WWTR1: variants seen among roughly 807,000 people sequenced by gnomAD.
The protein encoded by WWTR1 is WW domain containing transcription regulator 1.
Under a neutral mutation model 40.1 loss-of-function variants are expected in WWTR1, and 13 were observed. That is an observed-to-expected ratio of 0.32 (90% CI 0.21 to 0.52). The LOEUF (loss-of-function observed/expected upper bound fraction) is 0.52. WWTR1 is among the 20% of genes least tolerant of loss of function. WWTR1 has a pLI of 0.97. For synonymous variants in WWTR1, 230 were observed against 210.1 expected (o/e 1.09, Z -0.82); for missense variants, 436 against 523.1 (o/e 0.83, Z 1.63).
chr3:149,568,128 G>A (rs1363642442), intron 3 of WWTR1, among the ~76,000 whole-genome samples: 5 of 152,140 alleles, frequency 3.3e-5, no homozygotes, highest in Non-Finnish European at 5.9e-5. Context: ...GCTCACGCCT[G>A]TAATCCCAGC....
upstream of WWTR1, among the ~76,000 whole-genome samples, chr3:149,662,675 T>C (rs1455633301): frequency 6.6e-6 from 1 of 152,216 alleles, no homozygotes; most frequent in South Asian, 2.1e-4. Flanking sequence ...TTTTATGATG[T>C]CATTACCCAG....
At chr3:149,559,293 C>CAAAA (rs57470539) in intron 3 of WWTR1, among the ~76,000 whole-genome samples, 235 of 57,928 alleles carry the variant, frequency 4.1e-3, no homozygotes, top group Non-Finnish European at 5.3e-3. Flanking sequence ...GACTCCATCT[C>CAAAA]AAAAAAAAAA....
rs866086368 is a variant in WWTR1, at chr3:149,531,799, G to A, written c.772-3830C>T. Among the ~76,000 whole-genome samples, 5 of 152,090 alleles carry A rather than the reference G, an allele frequency of 3.3e-5. No individual in the cohort carries two copies. In the East Asian group the frequency reaches 5.8e-4, roughly 18 times the overall value. On this transcript the variant is annotated intron_variant, in intron 4 of 6. Coordinates refer to ENST00000360632, the MANE Select transcript of WWTR1 (RefSeq NM_015472.6). ...TTTCCTACTAGAATGTAAGCTCCAC[G>A]AGGGAAGGGGCCTTGTTTGTCATGT...
At chr3:149,527,180 G>A (rs1735360513) in intron 5 of WWTR1, among the ~76,000 whole-genome samples, 1 of 145,732 alleles carries the variant, frequency 6.9e-6, no homozygotes, top group Non-Finnish European at 1.5e-5. Flanking sequence ...TTGAGATGGA[G>A]TTTCACTCTT....
chr3:149,634,473 T>C (rs974306777), intron 2 of WWTR1, among the ~76,000 whole-genome samples: 1 of 152,192 alleles, frequency 6.6e-6, no homozygotes, highest in Admixed American at 6.5e-5. Flanking sequence ...AAGTTTCCTT[T>C]TTCACTCATT....
chr3:149,604,069 G>C (rs534178806), intron 2 of WWTR1, among the ~76,000 whole-genome samples: 6 of 152,248 alleles, frequency 3.9e-5, no homozygotes, highest in African/African-American at 1.4e-4. Context: ...ACTATAAGTA[G>C]TAGTACATGA....
rs965802437 is a variant in WWTR1 at position 149,522,562 on chromosome 3, A to G, written c.1019-1573T>C. On this transcript the variant is annotated intron_variant, in intron 6 of 6. Coordinates refer to ENST00000360632, the MANE Select transcript of WWTR1 (RefSeq NM_015472.6). ...AATCCAAAATAACTTTCTTCTACTT[A>G]CTAGAGTGTAACAGATAAAAATGAG... Among the ~76,000 whole-genome samples, 10 of 152,340 alleles carry G rather than the reference A, an allele frequency of 6.6e-5. 1 individual carries two copies. The highest frequency in any genetic ancestry group is 5.2e-4 in the Admixed American group (8 of 15,294).
chr3:149,632,061 C>T (rs554380510), intron 2 of WWTR1, among the ~76,000 whole-genome samples: 54 of 152,210 alleles, frequency 3.5e-4, no homozygotes, highest in African/African-American at 1.2e-3. Flanking sequence ...CAGGCGCCCA[C>T]CACTATCCAC....
chr3:149,559,174 G>T (rs1682586040), intron 3 of WWTR1, among the ~76,000 whole-genome samples: 1 of 151,486 alleles, frequency 6.6e-6, no homozygotes, highest in South Asian at 2.1e-4. Context: ...CACACCTGTA[G>T]TCCCAGCTAC....
At chr3:149,624,799 A>G (rs1027964917) in intron 2 of WWTR1, among the ~76,000 whole-genome samples, 17 of 152,064 alleles carry the variant, frequency 1.1e-4, no homozygotes, top group Non-Finnish European at 2.4e-4. Context: ...TCCCAGGTTC[A>G]AGCAATTCTC....
At chr3:149,550,970 A>G (rs1736594308) in intron 3 of WWTR1, among the ~76,000 whole-genome samples, 1 of 143,660 alleles carries the variant, frequency 7.0e-6, no homozygotes, top group African/African-American at 2.7e-5. Context: ...CACATCAACT[A>G]TTCCAAATAA....
intron 3 of WWTR1, among the ~76,000 whole-genome samples, chr3:149,564,080 C>G (rs1443253223): frequency 6.6e-6 from 1 of 152,094 alleles, no homozygotes; most frequent in Non-Finnish European, 1.5e-5. Context: ...GATTGTGGCT[C>G]CCACACCTGG....
chr3:149,545,810 C>T (rs1235730312), intron 3 of WWTR1, among the ~76,000 whole-genome samples: 3 of 152,146 alleles, frequency 2.0e-5, no homozygotes, highest in African/African-American at 7.2e-5. Flanking sequence ...CATGAGCCAC[C>T]GCGCCCAGCC....
intron 2 of WWTR1, among the ~76,000 whole-genome samples, chr3:149,628,198 G>A (rs1279847869): frequency 2.0e-5 from 3 of 151,612 alleles, no homozygotes; most frequent in South Asian, 2.1e-4. Flanking sequence ...GTGAAACCCC[G>A]TCCCTATTAA....
chr3:149,541,814 T>C (rs2107936308), intron 4 of WWTR1, among the ~76,000 whole-genome samples: 1 of 152,226 alleles, frequency 6.6e-6, no homozygotes, highest in East Asian at 1.9e-4. Flanking sequence ...CTTAGCCCAG[T>C]CTTCCAGCAA....
intron 2 of WWTR1, among the ~76,000 whole-genome samples, chr3:149,638,214 C>CA (rs571281339): frequency 2.8e-4 from 43 of 151,522 alleles, no homozygotes; most frequent in Admixed American, 3.9e-4. Flanking sequence ...GAAACTTTGT[C>CA]AAAAAAAGAA....
intron 2 of WWTR1, among the ~76,000 whole-genome samples, chr3:149,606,992 C>T (rs1052373005): frequency 4.6e-5 from 7 of 152,272 alleles, no homozygotes; most frequent in Admixed American, 1.3e-4. Flanking sequence ...TGAATGCTTT[C>T]GCTATTGTTG....
intron 3 of WWTR1, among the ~76,000 whole-genome samples, chr3:149,544,820 T>C (rs1334738360): frequency 2.0e-5 from 3 of 152,184 alleles, no homozygotes; most frequent in African/African-American, 7.2e-5. Context: ...GGGACCCAAA[T>C]GTTGCTTGCG....
chr3:149,624,681 A>G (rs1740463911), intron 2 of WWTR1, among the ~76,000 whole-genome samples: 1 of 152,134 alleles, frequency 6.6e-6, no homozygotes, highest in African/African-American at 2.4e-5. Flanking sequence ...TAATAAACTT[A>G]GAAAAAGAAA....
Sources: allele counts gnomAD v4.1 joint callset (sites outside exome capture counted in the v4.1 genomes callset), GRCh38; gene constraint gnomAD v4.1.1; transcripts MANE v1.5; gene names NCBI Gene and HGNC (gene_info 2026-07-23, HGNC 2026-07-21).